The following SYNPO2 variants were observed in gnomAD, a reference collection of about 807,000 sequenced individuals.
SYNPO2 encodes the protein synaptopodin 2.
SYNPO2 carries 56 observed loss-of-function variants against 85.0 expected under a neutral mutation model. That is an observed-to-expected ratio of 0.66 (90% confidence interval 0.53 to 0.82). The LOEUF is 0.82. Ranked by LOEUF, SYNPO2 falls within the 40% of genes least tolerant of loss-of-function variation. The probability of loss-of-function intolerance (pLI) is 0.00; values close to 1 mark genes in which losing one functional copy is unlikely to be tolerated. For missense variants in SYNPO2, 1,575 were observed against 1,534.2 expected (o/e 1.03, Z -0.44); for synonymous variants, 602 against 591.1 (o/e 1.02, Z -0.27).
At chr4:118,989,640 T>G (rs1002341057) in intron 1 of SYNPO2, among the ~76,000 whole-genome samples, 5 of 152,214 alleles carry the variant, frequency 3.3e-5, no homozygotes, top group African/African-American at 1.2e-4. Context: ...GAATGTGTCA[T>G]ATAGTCATGC....
chr4:119,032,929 T>TTGGC, intron 4 of SYNPO2: 58 of 905,116 alleles, frequency 6.4e-5, no homozygotes, highest in East Asian at 1.2e-4. Context: ...AAAGGTTGAT[T>TTGGC]CCCACCCTCC....
At chr4:118,961,105 C>CCA (rs1553941457) in intron 1 of SYNPO2, among the ~76,000 whole-genome samples, 2 of 117,964 alleles carry the variant, frequency 1.7e-5, no homozygotes, top group East Asian at 2.9e-4. Context: ...TACCGCCCCC[C>CCA]CCCCACCCCT....
In SYNPO2 at chr4:118,952,203, C is replaced by T. The variant is rs747866675; in HGVS notation, c.105+63062C>T. On this transcript the variant is annotated intron_variant, in intron 1 of 4. Coordinates refer to ENST00000307142, the MANE Select transcript of SYNPO2 (RefSeq NM_133477.3). The stretch of plus-strand genomic sequence containing the variant: ...GATTATTGTGAAGATCAATTACAGA[C>T]GATGTATGCAATCTGTCTATCCACA... Among the ~76,000 whole-genome samples the T allele has an allele frequency of 4.0e-4, 61 of 152,238 alleles. 1 individual carries two copies. The highest frequency in any genetic ancestry group is 3.4e-3 in the Middle Eastern group (1 of 294).
intron 4 of SYNPO2, chr4:119,035,798 A>C (rs1738482851): frequency 1.0e-6 from 1 of 979,780 alleles, no homozygotes; most frequent in Non-Finnish European, 1.2e-6. Flanking sequence ...GCCTGGCAGC[A>C]AGAGTCACAT....
At chr4:118,936,774 TCTTTCATGAAATA>T (rs1734121457) in intron 1 of SYNPO2, among the ~76,000 whole-genome samples, 1 of 152,186 alleles carries the variant, frequency 6.6e-6, no homozygotes, top group Non-Finnish European at 1.5e-5. Context: ...TGTCCTCCTC[TCTTTCATGAAATA>T]CTTACACTGG....
At chr4:118,959,608 A>G (rs1434950257) in intron 1 of SYNPO2, among the ~76,000 whole-genome samples, 2 of 152,204 alleles carry the variant, frequency 1.3e-5, no homozygotes, top group Non-Finnish European at 2.9e-5. Context: ...GGGCAAATCC[A>G]AGAAACCTAG....
At position 118,927,749 on chromosome 4, in the gene SYNPO2, T is replaced by TAGACA. The variant is rs1553938465; in HGVS notation, c.105+38608_105+38609insAGACA. Among the ~76,000 whole-genome samples the TAGACA allele has an allele frequency of 1.3e-3, 148 of 117,426 alleles. 1 individual carries two copies. Among genetic ancestry groups the TAGACA allele is most frequent in the Non-Finnish European group, 1.7e-3 (96 of 55,504 alleles). 77.0% of individuals were successfully genotyped at this position (117,426 alleles called of 152,430 possible). On this transcript the variant is annotated intron_variant, in intron 1 of 4. Coordinates refer to ENST00000307142, the MANE Select transcript of SYNPO2 (RefSeq NM_133477.3). ...ATAGATAGATAGATAGATAGATAGA[T>TAGACA]GATAGATAGATATATAGATAGATAG...
intron 1 of SYNPO2, among the ~76,000 whole-genome samples, chr4:118,964,245 T>C (rs1578590881): frequency 1.3e-5 from 2 of 150,026 alleles, no homozygotes; most frequent in Admixed American, 1.3e-4. Flanking sequence ...AGCTTAGGAG[T>C]TTGAGACCAG....
intron 4 of SYNPO2, among the ~76,000 whole-genome samples, chr4:119,048,722 G>A (rs563866140): frequency 6.6e-6 from 1 of 152,300 alleles, no homozygotes; most frequent in South Asian, 2.1e-4. Context: ...AGGCATGAGT[G>A]TACCTGGTGT....
At chr4:118,885,740 C>T (rs941393211), upstream of SYNPO2, among the ~76,000 whole-genome samples, 2 of 152,080 alleles carry the variant, frequency 1.3e-5, no homozygotes, top group Non-Finnish European at 2.9e-5. Context: ...CCTTGTCTTC[C>T]CCAAATGCTG....
chr4:118,924,916 T>G (rs1353540858), intron 1 of SYNPO2, among the ~76,000 whole-genome samples: 1 of 152,194 alleles, frequency 6.6e-6, no homozygotes, highest in East Asian at 1.9e-4. Context: ...GCTAACATAC[T>G]ACTGGTTTAT....
At position 119,014,724 on chromosome 4, in the gene SYNPO2, G is replaced by A. The variant is rs113666315; in HGVS notation, c.106-8706G>A. On this transcript the variant is annotated intron_variant, in intron 1 of 4. Coordinates refer to ENST00000307142, the MANE Select transcript of SYNPO2 (RefSeq NM_133477.3). ...TATAGATCACATACTCTTAAACACC[G>A]ATGATGGCCTAAATGAAATTCCAGT... is the stretch of plus-strand genomic sequence containing the variant. Among the ~76,000 whole-genome samples, 15 of 152,208 alleles carry A rather than the reference G, an allele frequency of 9.9e-5. 1 individual carries two copies. The highest frequency in any genetic ancestry group is 5.9e-4 in the Admixed American group (9 of 15,282).
intron 1 of SYNPO2, among the ~76,000 whole-genome samples, chr4:118,998,419 T>C (rs1168498349): frequency 6.6e-6 from 1 of 152,222 alleles, no homozygotes; most frequent in Admixed American, 6.5e-5. Flanking sequence ...TCTATGTGTC[T>C]GATGATGAGA....
Position 119,036,088 on chromosome 4 carries a change from T to C in SYNPO2, c.3252+4061T>C, listed in dbSNP as rs1339648012. 6.1e-6 allele frequency: 6 copies of C among 985,300 alleles called. No homozygotes were observed. The African/African-American group carries it at 1.0e-4, about 17-fold the overall frequency. The allele number at this position is 985,300 out of a possible 1,614,324, so 61.0% of individuals were successfully genotyped here. A position where few individuals can be genotyped will look rare whatever the true frequency, so the allele number is the denominator to read the frequency against. ...TCATCCAGTTATAAACTAGGGCTCC[T>C]GCAAGCACCCCCATTCTAAGGGTGA... is the stretch of plus-strand genomic sequence containing the variant. On this transcript the variant is annotated intron_variant, in intron 4 of 4. Coordinates refer to ENST00000307142, the MANE Select transcript of SYNPO2 (RefSeq NM_133477.3).
chr4:118,891,430 T>A (rs1394961392), intron 1 of SYNPO2, among the ~76,000 whole-genome samples: 1 of 152,218 alleles, frequency 6.6e-6, no homozygotes, highest in Non-Finnish European at 1.5e-5. Context: ...ATAGAAGATG[T>A]AAGTTCTAAA....
intron 1 of SYNPO2, among the ~76,000 whole-genome samples, chr4:118,946,349 A>G (rs924132891): frequency 1.4e-4 from 21 of 152,208 alleles, no homozygotes; most frequent in Non-Finnish European, 3.1e-4. Context: ...GTTAAAAGCA[A>G]CACTCTTGAC....
intron 1 of SYNPO2, among the ~76,000 whole-genome samples, chr4:118,948,904 A>G (rs1329832219): frequency 6.6e-6 from 1 of 152,198 alleles, no homozygotes; most frequent in East Asian, 1.9e-4. Context: ...TAAAGCATTC[A>G]CTGCAGTTAG....
intron 1 of SYNPO2, among the ~76,000 whole-genome samples, chr4:118,871,663 G>T (rs948030800): frequency 6.6e-6 from 1 of 151,306 alleles, no homozygotes; most frequent in Non-Finnish European, 1.5e-5. Flanking sequence ...CCGCCTTCCG[G>T]GTTCACGCCA....
At chr4:118,862,531 A>G (rs1731627535) in intron 1 of SYNPO2, among the ~76,000 whole-genome samples, 1 of 152,216 alleles carries the variant, frequency 6.6e-6, no homozygotes, top group African/African-American at 2.4e-5. Context: ...AGTTTTTATC[A>G]TGAAGGGATG....
Sources: allele counts gnomAD v4.1 joint callset (sites outside exome capture counted in the v4.1 genomes callset), GRCh38; gene constraint gnomAD v4.1.1; transcripts MANE v1.5; gene names NCBI Gene and HGNC (gene_info 2026-07-23, HGNC 2026-07-21).